NLGN2: variants seen among roughly 807,000 people sequenced by gnomAD.
NLGN2 encodes neuroligin-2.
Under a neutral mutation model 48.6 loss-of-function variants are expected in NLGN2, and 11 were observed. The observed-to-expected ratio is 0.23, with a 90% CI of 0.14 to 0.37. NLGN2 has a LOEUF of 0.37. Ranked by LOEUF, NLGN2 falls within the 10% of genes least tolerant of loss-of-function variation. NLGN2 has a pLI of 1.00. For synonymous variants in NLGN2, 548 were observed against 550.0 expected, an observed-to-expected ratio of 1.00 and a Z score of 0.05; for missense variants, 801 against 1,225.2, an observed-to-expected ratio of 0.65 and a Z score of 5.17.
At chr17:7,415,232 G>T in intron 5 of NLGN2, 84 bp downstream of exon 5, 1 of 1,352,894 alleles carries the variant, frequency 7.4e-7, no homozygotes, top group Non-Finnish European at 1.0e-6. Flanking sequence ...ATACCATTTG[G>T]CAAGGAGGGA....
At position 7,408,222 on chromosome 17, in the gene NLGN2, G is replaced by A. The variant is rs1567659038; in HGVS notation, c.-34G>A. On this transcript the variant is annotated 5_prime_UTR_variant, in exon 1 of 7. Transcript: ENST00000302926. The surrounding 1 kb of genome is among the most constrained non-coding windows in gnomAD (Gnocchi z 7.5). ...TTCTCTCTCTCTCCGAGGGGGGGGG[G>A]TCCCAGGGAGGGAGGGGGGGTCCCC... 1.3e-5 allele frequency: 15 copies of A among 1,135,722 alleles called. No individual in the cohort carries two copies. In the South Asian group the frequency reaches 3.0e-4, roughly 23 times the overall value. The allele number at this position is 1,135,722 out of a possible 1,614,324, so 70.4% of individuals were successfully genotyped here.
At position 7,408,568 on chromosome 17, in the gene NLGN2, G is replaced by A; in HGVS notation, c.313G>A (p.Ala105Thr). The A allele has an allele frequency of 1.9e-6, 3 of 1,554,516 alleles. No individual in the cohort carries two copies. Among genetic ancestry groups the A allele is most frequent in the South Asian group, 2.4e-5 (2 of 84,986 alleles). ...GVRNATTLPP[A>T]CPQNLHGALP... The stretch of plus-strand genomic sequence containing the variant: ...GCGCAACGCCACCACCCTGCCGCCC[G>A]CCTGCCCGCAGAACCTGCACGGGGC... Residue 105 changes from alanine to threonine, a missense_variant, in exon 1 of 7, where the codon GCC becomes ACC. This residue lies in a region of NLGN2 where 164 missense variants were observed against 186.2 expected (regional missense o/e 0.88). Coordinates refer to ENST00000302926, the MANE Select transcript of NLGN2 (RefSeq NM_020795.4). This position sits in a 1 kb window ranked among gnomAD's most constrained non-coding sequence, Gnocchi z 7.5.
chr17:7,415,460 C>A, intron 5 of NLGN2, 51 bp from the exon 6 acceptor site: 1 of 1,537,412 alleles, frequency 6.5e-7, no homozygotes, highest in Non-Finnish European at 9.0e-7. Context: ...AGGCCACAGG[C>A]CAAGAGGAGG....
In NLGN2 at chr17:7,417,019, G is replaced by A. The variant is rs749360027; in HGVS notation, c.1728G>A (p.Lys576=). Residue 576 remains lysine (K), a synonymous_variant, in exon 7 of 7, where the codon AAG becomes AAA. Coordinates refer to ENST00000302926, the MANE Select transcript of NLGN2 (RefSeq NM_020795.4). ...EEVVWSKFNS[K]EKQYLHIGLK... ...TGGTGTGGAGCAAATTCAACAGCAAGGAGAAGCAGTATCTGCACATAGGCC... is the reference window on the plus strand; with the variant it reads ...TGGTGTGGAGCAAATTCAACAGCAAAGAGAAGCAGTATCTGCACATAGGCC... 20 of 1,614,082 alleles carry A rather than the reference G, an allele frequency of 1.2e-5. No homozygotes were observed. In the South Asian group the frequency reaches 2.2e-4, roughly 18 times the overall value.
In NLGN2 at chr17:7,413,698, C is replaced by A. The variant is rs1906985896; in HGVS notation, c.509-646C>A. Among the ~76,000 whole-genome samples the A allele has an allele frequency of 6.6e-6, 1 of 152,138 alleles. No homozygotes were observed. The highest frequency in any genetic ancestry group is 2.4e-5 in the African/African-American group (1 of 41,408). ...TGGGGGTGTCCAAAACTAAGCTGCA[C>A]CCTGGCTTCATTAAGCAGGCTCTTC... On this transcript the variant is annotated intron_variant, in intron 2 of 6. Transcript: ENST00000302926. This position sits in a 1 kb window ranked among gnomAD's most constrained non-coding sequence, Gnocchi z 4.9.
intron 6 of NLGN2, 23 bp downstream of exon 6, chr17:7,416,130 G>C (rs974549564): frequency 6.7e-7 from 1 of 1,483,506 alleles, no homozygotes. Flanking sequence ...GGGGCTGGGC[G>C]GGGCTGGGCG....
At position 7,414,978 on chromosome 17, in the gene NLGN2, C is replaced by G. The variant is rs748477313; in HGVS notation, c.867C>G (p.Ala289=). 1 of 1,612,484 alleles carries G rather than the reference C, an allele frequency of 6.2e-7. No individual in the cohort carries two copies. The highest frequency in any genetic ancestry group is 2.2e-5 in the East Asian group (1 of 44,888). Residue 289 remains alanine, a synonymous_variant, in exon 5 of 7, where the codon GCC becomes GCG. Transcript: ENST00000302926. ...HSEGLFQKAI[A]QSGTAISSWS... ...CAGGGCTGTTCCAGAAGGCCATCGC[C>G]CAGAGTGGCACCGCCATTTCCAGCT...
Position 7,408,322 on chromosome 17 carries a change from G to A in NLGN2, c.67G>A (p.Gly23Ser), listed in dbSNP as rs1319284048. 5.7e-6 allele frequency: 8 copies of A among 1,398,990 alleles called. No homozygotes were observed. Among genetic ancestry groups the A allele is most frequent in the Admixed American group, 7.3e-5 (2 of 27,358 alleles). The allele number at this position is 1,398,990 out of a possible 1,614,324, so 86.7% of individuals were successfully genotyped here. A position where few individuals can be genotyped will look rare whatever the true frequency, so the allele number is the denominator to read the frequency against. ...TCAACGCGGGGGAGGGGGTCCCGGC[G>A]GCGGCGCCCCGGGCGGCCCCGGCCT... ...GAQRGGGGPG[G>S]GAPGGPGLGL... Residue 23 changes from glycine to serine, a missense_variant, in exon 1 of 7, where the codon GGC becomes AGC. Coordinates refer to ENST00000302926, the MANE Select transcript of NLGN2 (RefSeq NM_020795.4). The surrounding 1 kb of genome is among the most constrained non-coding windows in gnomAD (Gnocchi z 7.5).
Position 7,414,438 on chromosome 17 carries a change from G to A in NLGN2, c.603G>A (p.Leu201=). Residue 201 remains leucine, a synonymous_variant, in exon 3 of 7, where the codon CTG becomes CTA. Coordinates refer to ENST00000302926, the MANE Select transcript of NLGN2 (RefSeq NM_020795.4). ...GTGNMFDGSV[L]AAYGNVIVAT... ...GAAACATGTTCGATGGCTCAGTCCT[G>A]GCTGCCTATGGCAACGTCATTGTAG... 1 of 1,614,148 alleles carries A rather than the reference G, an allele frequency of 6.2e-7. No homozygotes were observed. Among genetic ancestry groups the A allele is most frequent in the South Asian group, 1.1e-5 (1 of 91,082 alleles).
intron 5 of NLGN2, 120 bp from the exon 6 acceptor site, chr17:7,415,391 T>C: frequency 1.9e-6 from 2 of 1,036,740 alleles, no homozygotes. Context: ...CACTGGAGGA[T>C]TTCAAGTAGG....
chr17:7,418,281 AC>A lies in NLGN2; in HGVS notation c.*485del, dbSNP rs981048000. 6.6e-6 allele frequency: 1 copy of A among 151,548 alleles called. No individual in the cohort carries two copies. Among genetic ancestry groups the A allele is most frequent in the African/African-American group, 2.4e-5 (1 of 41,148 alleles). 9.4% of individuals were successfully genotyped at this position (151,548 alleles called of 1,614,324 possible). ...GGAAGTGGTGTGTTCACATACAGTGACCCTTGGCCACCAGACCACAGAGGAT... is the reference window on the plus strand; with the variant it reads ...GGAAGTGGTGTGTTCACATACAGTGACCTTGGCCACCAGACCACAGAGGAT... On this transcript the variant is annotated 3_prime_UTR_variant, in exon 7 of 7. Transcript: ENST00000302926.
At position 7,415,791 on chromosome 17, in the gene NLGN2, G is replaced by C. The variant is rs140208582; in HGVS notation, c.1318G>C (p.Asp440His). 6.2e-7 allele frequency: 1 copy of C among 1,614,020 alleles called. No homozygotes were observed. Among genetic ancestry groups the C allele is most frequent in the Non-Finnish European group, 8.5e-7 (1 of 1,180,062 alleles). ...TIKFMYTDWADRDNGEMRRKT... is the reference protein window; with the variant it reads ...TIKFMYTDWAHRDNGEMRRKT... ...CAAGTTTATGTACACAGACTGGGCC[G>C]ACCGGGACAATGGCGAAATGCGCCG... The change falls in exon 6 of 7, where the codon GAC becomes CAC. Residue 440 changes from aspartate (D) to histidine (H), a missense_variant. Physicochemically the swap from Asp to His is moderately conservative, Grantham distance 81. Transcript: ENST00000302926.
upstream of NLGN2, chr17:7,405,564 C>T (rs184059037): frequency 3.3e-5 from 5 of 152,206 alleles, no homozygotes; most frequent in African/African-American, 4.8e-5. The surrounding 1 kb of genome is among the most constrained non-coding windows in gnomAD (Gnocchi z 6.8). Flanking sequence ...TTTCGCCCCC[C>T]ACTCGGAGCC....
intron 1 of NLGN2, 131 bp from the exon 2 acceptor site, chr17:7,412,026 C>G: frequency 3.6e-6 from 2 of 548,332 alleles, no homozygotes; most frequent in Non-Finnish European, 3.2e-6. Context: ...TTTTTGGCTT[C>G]TTTTTTCTGC....
At position 7,416,004 on chromosome 17, in the gene NLGN2, C is replaced by T; in HGVS notation, c.1531C>T (p.Pro511Ser). The change falls in exon 6 of 7, where the codon CCC (proline) becomes TCC (serine). Residue 511 changes from proline to serine, a missense_variant. Pro to Ser is a moderately conservative substitution (Grantham distance 74). This residue lies in a region of NLGN2 where 303 missense variants were observed against 600.1 expected (regional missense o/e 0.50). Transcript: ENST00000302926. ...GDELPYVFGV[P>S]MVGATDLFPC... ...TGAACTGCCCTATGTCTTTGGCGTG[C>T]CCATGGTGGGTGCCACCGACCTCTT... 1 of 1,614,118 alleles carries T rather than the reference C, an allele frequency of 6.2e-7. No homozygotes were observed. Among genetic ancestry groups the T allele is most frequent in the South Asian group, 1.1e-5 (1 of 91,084 alleles).
At chr17:7,406,718 G>A (rs376275618), upstream of NLGN2, among the ~76,000 whole-genome samples, 3 of 151,726 alleles carry the variant, frequency 2.0e-5, no homozygotes, top group South Asian at 4.2e-4. Flanking sequence ...TCCCTTGGCT[G>A]GCCCCTGCTG....
In NLGN2 at chr17:7,415,491, C is replaced by A. The variant is rs889394789; in HGVS notation, c.1038-20C>A. 1.2e-6 allele frequency: 2 copies of A among 1,606,976 alleles called. No individual in the cohort carries two copies. The highest frequency in any genetic ancestry group is 1.3e-5 in the African/African-American group (1 of 74,964). ...GGAGGCCAGTGAGCAGGTGGTGAGA[C>A]CCTGACCCCTTCTCCCCAGCTACCA... On this transcript the variant is annotated intron_variant, in intron 5 of 6. Transcript: ENST00000302926.
At chr17:7,410,462 ACTCCT>A (rs1485930511) in intron 1 of NLGN2, among the ~76,000 whole-genome samples, 1 of 149,992 alleles carries the variant, frequency 6.7e-6, no homozygotes, top group Non-Finnish European at 1.5e-5. Context: ...TGCACACCAC[ACTCCT>A]CTGCCATCCC....
At position 7,411,669 on chromosome 17, in the gene NLGN2, C is replaced by T. The variant is rs940579476; in HGVS notation, c.458-488C>T. On this transcript the variant is annotated intron_variant, in intron 1 of 6. Coordinates refer to ENST00000302926, the MANE Select transcript of NLGN2 (RefSeq NM_020795.4). The surrounding 1 kb of genome is among the most constrained non-coding windows in gnomAD (Gnocchi z 4.5). The stretch of plus-strand genomic sequence containing the variant: ...CTCCTCCCTACAGCCTTGTGGGGGG[C>T]GGCAGGCAGGTGCTTCGCTGGCCCT... Among the ~76,000 whole-genome samples, 12 of 152,138 alleles carry T rather than the reference C, an allele frequency of 7.9e-5. No homozygotes were observed. Among genetic ancestry groups the T allele is most frequent in the Non-Finnish European group, 8.8e-5 (6 of 68,014 alleles).
Sources: gnomAD v4.1 joint callset for allele counts (sites outside exome capture counted in the v4.1 genomes callset) on GRCh38, gnomAD v4.1.1 for gene constraint, gnomAD v4.1.1 regional missense constraint, Gnocchi (gnomAD v3.1) non-coding constraint, MANE v1.5 for transcripts, NCBI Gene and HGNC (gene_info 2026-07-23, HGNC 2026-07-21) for gene names.